Variants in SAMD11 observed in about 807,000 individuals in gnomAD.
SAMD11 encodes sterile alpha motif domain containing 11, also known as sterile alpha motif domain-containing protein 11.
Under a neutral mutation model 64.4 loss-of-function variants are expected in SAMD11, and 77 were observed. That is an observed-to-expected ratio of 1.20 (90% CI 0.99 to 1.44). The LOEUF (loss-of-function observed/expected upper bound fraction) is 1.44. SAMD11 is among the 40% of genes most tolerant of loss of function. SAMD11 has a pLI of 0.00. For synonymous variants in SAMD11, 658 were observed against 421.9 expected, an observed-to-expected ratio of 1.56 and a Z score of -6.86; for missense variants, 1,402 against 943.3, an observed-to-expected ratio of 1.49 and a Z score of -6.37.
Position 944,170 on chromosome 1 carries a change from G to A in SAMD11, c.*17G>A, listed in dbSNP as rs774603526. The A allele has an allele frequency of 2.9e-5, 44 of 1,525,386 alleles. No individual in the cohort carries two copies. The highest frequency in any genetic ancestry group is 3.3e-5 in the Non-Finnish European group (37 of 1,136,146). 94.5% of individuals were successfully genotyped at this position (1,525,386 alleles called of 1,614,324 possible). A position where few individuals can be genotyped will look rare whatever the true frequency, so the allele number is the denominator to read the frequency against. ...CTGTGTTGAGGTTGCCGGGGGTAGGGGTGGGGCCACACAAATCTCCAGGAG... is the reference window on the plus strand; with the variant it reads ...CTGTGTTGAGGTTGCCGGGGGTAGGAGTGGGGCCACACAAATCTCCAGGAG... On this transcript the variant is annotated 3_prime_UTR_variant, in exon 14 of 14. Coordinates refer to ENST00000616016, the MANE Select transcript of SAMD11 (RefSeq NM_001385641.1).
At position 943,076 on chromosome 1, in the gene SAMD11, C is replaced by G. The variant is rs755524266; in HGVS notation, c.2053+18C>G. ...CCACACAGGTGGGCACCCCCACACT[C>G]TAGATCCTTCCAGAGGGCACAGGAC... On this transcript the variant is annotated intron_variant, in intron 11 of 13. Transcript: ENST00000616016. 1.4e-5 allele frequency: 21 copies of G among 1,546,820 alleles called. No homozygotes were observed. The African/African-American group carries it at 2.7e-4, about 20-fold the overall frequency.
chr1:930,312 C>A lies in SAMD11; in HGVS notation c.767C>A (p.Pro256Gln). The change falls in exon 3 of 14, where the codon CCG (proline) becomes CAG (glutamine). Residue 256 changes from proline to glutamine, a missense_variant. Coordinates refer to ENST00000616016, the MANE Select transcript of SAMD11 (RefSeq NM_001385641.1). ...CCAGGCTTGAAGCAGGAGGATGGTC[C>A]GCACATCCGTATCATGAAGAGAAGG... Reference protein sequence around the residue: ...RRPGLKQEDGPHIRIMKRRVH... With the variant: ...RRPGLKQEDGQHIRIMKRRVH... The A allele has an allele frequency of 1.2e-6, 2 of 1,606,844 alleles. No individual in the cohort carries two copies. Among genetic ancestry groups the A allele is most frequent in the East Asian group, 2.2e-5 (1 of 44,620 alleles).
chr1:924,904 G>T lies in SAMD11; in HGVS notation c.473G>T (p.Gly158Val), dbSNP rs1192919683. The change falls in exon 1 of 14, where the codon GGC becomes GTC. Residue 158 changes from glycine (G) to valine (V), a missense_variant. Gly to Val is a moderately radical substitution (Grantham distance 109, BLOSUM62 -3). Coordinates refer to ENST00000616016, the MANE Select transcript of SAMD11 (RefSeq NM_001385641.1). Reference protein sequence around the residue: ...LTPNEFQFVSGRETAKDWKRS... With the variant: ...LTPNEFQFVSVRETAKDWKRS... ...CCCAACGAGTTCCAGTTCGTCAGCG[G>T]CCGCGAGACGGCCAAGGACTGGAAG... 1 of 152,218 alleles carries T rather than the reference G, an allele frequency of 6.6e-6. No homozygotes were observed. Among genetic ancestry groups the T allele is most frequent in the African/African-American group, 2.4e-5 (1 of 41,462 alleles). 9.4% of individuals were successfully genotyped at this position (152,218 alleles called of 1,614,324 possible).
rs1641970599 is a variant in SAMD11 at position 943,706 on chromosome 1, G to A, written c.2187G>A (p.Arg729=). 1.3e-6 allele frequency: 2 copies of A among 1,581,858 alleles called. No homozygotes were observed. Among genetic ancestry groups the A allele is most frequent in the African/African-American group, 1.3e-5 (1 of 74,260 alleles). The part of the protein sequence containing the change: ...SGCGEYTRVF[R]EQGIDGETLP... The stretch of plus-strand genomic sequence containing the variant: ...CTCCCTCCCCCTTCCAGGTCTTCAG[G>A]GAGCAGGGGATCGACGGGGAGACCC... Residue 729 remains arginine (R), a synonymous_variant, in exon 13 of 14, where the codon AGG becomes AGA. Coordinates refer to ENST00000616016, the MANE Select transcript of SAMD11 (RefSeq NM_001385641.1).
chr1:934,980 T>A (rs1179421109), intron 4 of SAMD11, among the ~76,000 whole-genome samples: 1 of 150,980 alleles, frequency 6.6e-6, no homozygotes, highest in African/African-American at 2.5e-5. Flanking sequence ...GCAGGAGGAC[T>A]GCTCAGGGAG....
chr1:937,235 C>T (rs753781105), intron 5 of SAMD11, among the ~76,000 whole-genome samples: 3 of 152,130 alleles, frequency 2.0e-5, no homozygotes, highest in Non-Finnish European at 2.9e-5. Context: ...GTTCCCAGCC[C>T]GGGCCCTCCC....
chr1:943,134 AG>A, intron 11 of SAMD11, 76 bp downstream of exon 11: 1 of 1,568,792 alleles, frequency 6.4e-7, no homozygotes, highest in Non-Finnish European at 8.6e-7. Flanking sequence ...TCTTGGGGGG[AG>A]GAAAAATTCC....
At chr1:936,453 C>G (rs1372831249) in intron 5 of SAMD11, among the ~76,000 whole-genome samples, 1 of 151,794 alleles carries the variant, frequency 6.6e-6, no homozygotes. Context: ...TTCTAGGGCT[C>G]CGGGAAGGAT....
At chr1:930,978 T>TC in intron 3 of SAMD11, 61 bp from the exon 4 acceptor site, 1 of 1,546,426 alleles carries the variant, frequency 6.5e-7, no homozygotes, top group Non-Finnish European at 8.9e-7. Flanking sequence ...CGCCCTGCTA[T>TC]CCTGAGGCTG....
At chr1:930,019 T>C in intron 2 of SAMD11, 136 bp from the exon 3 acceptor site, 1 of 1,058,580 alleles carries the variant, frequency 9.4e-7, no homozygotes, top group Non-Finnish European at 1.3e-6. Context: ...TCTGCCGTGC[T>C]TGGGGCTCGG....
chr1:939,847 C>T (rs1641653194), intron 7 of SAMD11, among the ~76,000 whole-genome samples: 1 of 152,130 alleles, frequency 6.6e-6, no homozygotes, highest in Admixed American at 6.5e-5. Flanking sequence ...GCAGAAAGGC[C>T]GGGCTGGGTG....
At chr1:937,957 G>C (rs183350201) in intron 5 of SAMD11, among the ~76,000 whole-genome samples, 25 of 152,334 alleles carry the variant, frequency 1.6e-4, no homozygotes, top group Admixed American at 6.5e-4. Flanking sequence ...GGCTTGTGGG[G>C]GGACGGGCTT....
At chr1:941,814 G>A (rs911674005) in intron 8 of SAMD11, among the ~76,000 whole-genome samples, 1 of 152,126 alleles carries the variant, frequency 6.6e-6, no homozygotes, top group Non-Finnish European at 1.5e-5. Context: ...TGCCTCCACC[G>A]CCGCCCGGAT....
At position 944,254 on chromosome 1, in the gene SAMD11, C is replaced by A; in HGVS notation, c.*101C>A. 1.4e-6 allele frequency: 2 copies of A among 1,449,986 alleles called. No individual in the cohort carries two copies. Among genetic ancestry groups the A allele is most frequent in the African/African-American group, 1.4e-5 (1 of 69,640 alleles). The allele number at this position is 1,449,986 out of a possible 1,614,324, so 89.8% of individuals were successfully genotyped here. On this transcript the variant is annotated 3_prime_UTR_variant, in exon 14 of 14. Transcript: ENST00000616016. ...GCTTTATTTCTTTCGGTTTCGGATGCAAAACAAAAAATTTTAAAAGAAAAT... is the reference window on the plus strand; with the variant it reads ...GCTTTATTTCTTTCGGTTTCGGATGAAAAACAAAAAATTTTAAAAGAAAAT...
rs1641856633 is a variant in SAMD11 at position 942,635 on chromosome 1, G to A, written c.1630G>A (p.Ala544Thr). The change falls in exon 11 of 14, where the codon GCC (alanine) becomes ACC (threonine). Residue 544 changes from alanine (A) to threonine (T), a missense_variant. By Grantham distance (58) the Ala-to-Thr change is moderately conservative. Transcript: ENST00000616016. The stretch of plus-strand genomic sequence containing the variant: ...CCCACAGCTGCTGGCGCCCGAGACC[G>A]CCCTGCGCCCCAACGACGGCGCCGA... ...ARPQLLAPET[A>T]LRPNDGAEEL... 2.8e-6 allele frequency: 4 copies of A among 1,438,398 alleles called. No homozygotes were observed. The South Asian group carries it at 5.5e-5, about 20-fold the overall frequency. 89.1% of individuals were successfully genotyped at this position (1,438,398 alleles called of 1,614,324 possible). A position where few individuals can be genotyped will look rare whatever the true frequency, so the allele number is the denominator to read the frequency against.
rs1159093875 is a variant in SAMD11 at position 942,613 on chromosome 1, A to G, written c.1608A>G (p.Pro536=). The change falls in exon 11 of 14, where the codon CCA becomes CCG. Residue 536 remains proline (P), a synonymous_variant. Coordinates refer to ENST00000616016, the MANE Select transcript of SAMD11 (RefSeq NM_001385641.1). ...AGAAGGAGCTGGAGAGCGCGCGCCC[A>G]CAGCTGCTGGCGCCCGAGACCGCCC... ...LRQKELESAR[P]QLLAPETALR... 3 of 1,437,312 alleles carry G rather than the reference A, an allele frequency of 2.1e-6. No homozygotes were observed. Among genetic ancestry groups the G allele is most frequent in the South Asian group, 2.8e-5 (2 of 72,574 alleles). The allele number at this position is 1,437,312 out of a possible 1,614,324, so 89.0% of individuals were successfully genotyped here.
At chr1:929,262 G>A (rs543815304) in intron 2 of SAMD11, among the ~76,000 whole-genome samples, 1 of 152,216 alleles carries the variant, frequency 6.6e-6, no homozygotes, top group Non-Finnish European at 1.5e-5. Flanking sequence ...ACCACAGCGG[G>A]CGTGTCTGTG....
intron 2 of SAMD11, among the ~76,000 whole-genome samples, chr1:926,618 G>C (rs1225572840): frequency 6.6e-6 from 1 of 152,194 alleles, no homozygotes; most frequent in African/African-American, 2.4e-5. Flanking sequence ...CCCCAACCCA[G>C]GGTAGACAGC....
intron 2 of SAMD11, 47 bp downstream of exon 2, chr1:926,060 G>A (rs775915202): frequency 2.5e-6 from 4 of 1,568,760 alleles, no homozygotes; most frequent in East Asian, 2.2e-5. Context: ...CTCCCCTGCG[G>A]AGCTTGTCCC....
Sources: allele counts gnomAD v4.1 joint callset (sites outside exome capture counted in the v4.1 genomes callset), GRCh38; gene constraint gnomAD v4.1.1; transcripts MANE v1.5; gene names NCBI Gene and HGNC (gene_info 2026-07-23, HGNC 2026-07-21).